The following AK9 variants were observed in gnomAD, a reference collection of about 807,000 sequenced individuals.
AK9 encodes adenylate kinase domain containing 1.
In AK9, 191 loss-of-function variants were observed where a neutral mutation model predicts 239.6. The ratio of observed to expected loss-of-function variants is 0.80; its 90% CI spans 0.71 to 0.90. The LOEUF (loss-of-function observed/expected upper bound fraction) is 0.90. Ranked by LOEUF, AK9 falls within the 40% of genes least tolerant of loss-of-function variation. The pLI, the probability that AK9 is intolerant of heterozygous loss-of-function variation, is 0.00. For synonymous variants in AK9, 689 were observed against 721.0 expected (o/e 0.96, Z 0.71); for missense variants, 1,995 against 2,214.7 (o/e 0.90, Z 1.99).
chr6:109,583,900 T>C (rs1162273913), intron 19 of AK9, among the ~76,000 whole-genome samples: 1 of 152,136 alleles, frequency 6.6e-6, no homozygotes, highest in East Asian at 1.9e-4. Context: ...TTGGACTAGT[T>C]CTCACACACT....
At chr6:109,639,807 T>C (rs1484788555) in intron 10 of AK9, among the ~76,000 whole-genome samples, 3 of 152,200 alleles carry the variant, frequency 2.0e-5, no homozygotes, top group African/African-American at 4.8e-5. Context: ...CTTTAATCCA[T>C]CTTGAACTAA....
chr6:109,574,140 T>C (rs368693091), intron 20 of AK9, among the ~76,000 whole-genome samples: 2 of 152,226 alleles, frequency 1.3e-5, no homozygotes, highest in East Asian at 3.8e-4. Flanking sequence ...ATATATATAA[T>C]GATTGATTTT....
intron 17 of AK9, among the ~76,000 whole-genome samples, chr6:109,603,962 C>A (rs1792475919): frequency 6.6e-6 from 1 of 152,182 alleles, no homozygotes; most frequent in Non-Finnish European, 1.5e-5. Context: ...TTTCCAGGTG[C>A]CTTCTGTCAC....
At chr6:109,525,269 A>G (rs188920157) in intron 29 of AK9, among the ~76,000 whole-genome samples, 190 of 152,254 alleles carry the variant, frequency 1.2e-3, no homozygotes, top group African/African-American at 4.4e-3. Context: ...ATTTTATGAC[A>G]AAGTCTCCAA....
chr6:109,585,627 G>A (rs1464949820), intron 18 of AK9, among the ~76,000 whole-genome samples: 1 of 152,026 alleles, frequency 6.6e-6, no homozygotes, highest in African/African-American at 2.4e-5. Context: ...AGCCTTATAT[G>A]TTATTCATTT....
chr6:109,666,875 C>T (rs1473177698), intron 5 of AK9, among the ~76,000 whole-genome samples: 1 of 152,178 alleles, frequency 6.6e-6, no homozygotes, highest in Admixed American at 6.5e-5. Context: ...ACATTGGTGA[C>T]CAATGACTTG....
At chr6:109,663,146 T>C in intron 5 of AK9, among the ~76,000 whole-genome samples, 1 of 152,198 alleles carries the variant, frequency 6.6e-6, no homozygotes, top group South Asian at 2.1e-4. Flanking sequence ...TTTTCTGTTT[T>C]TTAAACAGCC....
At chr6:109,621,045 G>GA (rs1392635194) in intron 12 of AK9, among the ~76,000 whole-genome samples, 1 of 150,782 alleles carries the variant, frequency 6.6e-6, no homozygotes, top group African/African-American at 2.4e-5. Context: ...AAATTTACAA[G>GA]AAAAAAACAA....
chr6:109,612,139 A>AC, intron 15 of AK9, 46 bp from the exon 16 acceptor site: 3 of 1,259,938 alleles, frequency 2.4e-6, no homozygotes, highest in Non-Finnish European at 3.3e-6. Context: ...TATTAAAAAA[A>AC]ATGTAGGTGA....
intron 1 of AK9, among the ~76,000 whole-genome samples, chr6:109,676,625 T>C (rs979550516): frequency 1.2e-4 from 19 of 152,020 alleles, no homozygotes; most frequent in African/African-American, 4.6e-4. Flanking sequence ...AAATCCCTAA[T>C]TGTTGAAAAT....
intron 35 of AK9, among the ~76,000 whole-genome samples, chr6:109,502,308 T>C (rs1224860189): frequency 6.6e-6 from 1 of 152,066 alleles, no homozygotes; most frequent in East Asian, 1.9e-4. Flanking sequence ...TATTCGGAAA[T>C]AGGGTCAGAG....
At chr6:109,529,269 T>C (rs1562358395) in intron 28 of AK9, among the ~76,000 whole-genome samples, 196 bp from the exon 29 acceptor site, 1 of 152,164 alleles carries the variant, frequency 6.6e-6, no homozygotes, top group East Asian at 1.9e-4. Flanking sequence ...GATCAGCTAT[T>C]TTCTTCCAGA....
intron 24 of AK9, among the ~76,000 whole-genome samples, chr6:109,555,444 T>C (rs2128171782): frequency 6.6e-6 from 1 of 152,334 alleles, no homozygotes; most frequent in African/African-American, 2.4e-5. Flanking sequence ...TGTGTTTGAT[T>C]TTAAAATAAG....
At chr6:109,646,436 TACGTGATGCATGC>T (rs1798072603) in intron 8 of AK9, among the ~76,000 whole-genome samples, 1 of 152,002 alleles carries the variant, frequency 6.6e-6, no homozygotes, top group Non-Finnish European at 1.5e-5. Context: ...GCATGAGAAC[TACGTGATGCATGC>T]ACAAGCTTCA....
Position 109,585,198 on chromosome 6 carries a change from G to C in AK9, c.2039C>G (p.Ser680Cys). 1 of 995,338 alleles carries C rather than the reference G, an allele frequency of 1.0e-6. No individual in the cohort carries two copies. Among genetic ancestry groups the C allele is most frequent in the African/African-American group, 1.7e-5 (1 of 59,220 alleles). 61.7% of individuals were successfully genotyped at this position (995,338 alleles called of 1,614,324 possible). A position where few individuals can be genotyped will look rare whatever the true frequency, so the allele number is the denominator to read the frequency against. ...TTCTAAAATCTTAGAGTCAATTTCA[G>C]ATTTCTTCTGTAAATATATTCTATT... is the stretch of plus-strand genomic sequence containing the variant. The part of the protein sequence containing the change: ...LFNRIYLQKK[S>C]EIDSKILERL... The change falls in exon 19 of 41, where the codon TCT becomes TGT. Residue 680 changes from serine to cysteine, a missense_variant. Around this residue, in one of 5 missense-constraint regions of AK9, gnomAD observed 1,290 missense variants for 1,392.7 expected, o/e 0.93. Coordinates refer to ENST00000424296, the MANE Select transcript of AK9 (RefSeq NM_001145128.3).
intron 35 of AK9, among the ~76,000 whole-genome samples, chr6:109,503,469 C>G (rs1387999327): frequency 6.6e-6 from 1 of 152,158 alleles, no homozygotes; most frequent in Non-Finnish European, 1.5e-5. Flanking sequence ...CTTTAATTCT[C>G]TAAGCCCCAG....
At chr6:109,533,513 T>C in intron 27 of AK9, 43 bp from the exon 28 acceptor site, 1 of 1,460,500 alleles carries the variant, frequency 6.8e-7, no homozygotes, top group Admixed American at 2.2e-5. Context: ...ATTAAAATGT[T>C]GTAATGGATG....
intron 21 of AK9, among the ~76,000 whole-genome samples, chr6:109,566,599 C>A (rs1274340573): frequency 2.0e-5 from 3 of 152,054 alleles, no homozygotes; most frequent in Non-Finnish European, 2.9e-5. Flanking sequence ...GCAAGGAAAT[C>A]TAAAATGCAA....
intron 26 of AK9, 59 bp downstream of exon 26, chr6:109,545,808 C>CAACAACAAT: frequency 6.5e-7 from 1 of 1,534,094 alleles, no homozygotes; most frequent in African/African-American, 1.4e-5. Flanking sequence ...GTCTCAAAAA[C>CAACAACAAT]AACAACAATA....
Sources: allele counts gnomAD v4.1 joint callset (sites outside exome capture counted in the v4.1 genomes callset), GRCh38; gene constraint gnomAD v4.1.1; regional missense constraint gnomAD v4.1.1; transcripts MANE v1.5; gene names NCBI Gene and HGNC (gene_info 2026-07-23, HGNC 2026-07-21).